The following NCOA1 variants were observed in gnomAD, a reference collection of about 807,000 sequenced individuals.
NCOA1 encodes Hin-2 protein.
In NCOA1, 35 loss-of-function variants were observed where a neutral mutation model predicts 150.9. That is an observed-to-expected ratio of 0.23 (90% CI 0.18 to 0.31). NCOA1 has a LOEUF of 0.31. Ranked by LOEUF, NCOA1 falls within the 10% of genes least tolerant of loss-of-function variation. NCOA1 has a pLI of 1.00. For missense variants in NCOA1, 1,491 were observed against 1,749.3 expected (o/e 0.85, Z 2.63); for synonymous variants, 590 against 630.0 (o/e 0.94, Z 0.95).
At position 24,576,149 on chromosome 2, in the gene NCOA1, G is replaced by GTTTTTTTTTTTTTT. The variant is rs1183405187; in HGVS notation, c.-259-8314_-259-8313insTTTTTTTTTTTTTT. 2.0e-3 allele frequency among the ~76,000 whole-genome samples: 189 copies of GTTTTTTTTTTTTTT among 93,984 alleles called. 20 individuals carry two copies. The highest frequency in any genetic ancestry group is 2.8e-3 in the Non-Finnish European group (136 of 48,848). 61.7% of individuals were successfully genotyped at this position (93,984 alleles called of 152,430 possible). A position where few individuals can be genotyped will look rare whatever the true frequency, so the allele number is the denominator to read the frequency against. ...GAGTTTCAGAAATTATTTGGCCTTT[G>GTTTTTTTTTTTTTT]TTTTTTTTTTTTTGTTTTTTGTTTT... On this transcript the variant is annotated intron_variant, in intron 2 of 22. Coordinates refer to ENST00000348332, the MANE Select transcript of NCOA1 (RefSeq NM_003743.5).
At chr2:24,530,410 T>C (rs191365806) in intron 1 of NCOA1, among the ~76,000 whole-genome samples, 7 of 152,358 alleles carry the variant, frequency 4.6e-5, no homozygotes, top group Non-Finnish European at 7.4e-5. Context: ...GAAAAACCTA[T>C]TTCTTACACA....
intron 3 of NCOA1, among the ~76,000 whole-genome samples, chr2:24,631,719 A>C (rs1046941460): frequency 6.6e-6 from 1 of 152,214 alleles, no homozygotes; most frequent in African/African-American, 2.4e-5. Context: ...TATAAAAGTC[A>C]CAATCAATGG....
At chr2:24,718,389 G>A (rs2148618967) in intron 14 of NCOA1, among the ~76,000 whole-genome samples, 1 of 152,160 alleles carries the variant, frequency 6.6e-6, no homozygotes, top group African/African-American at 2.4e-5. Context: ...TAGCAAATTT[G>A]GAACATTGTT....
chr2:24,515,754 G>A (rs544069882), intron 1 of NCOA1, among the ~76,000 whole-genome samples: 1 of 152,346 alleles, frequency 6.6e-6, no homozygotes, highest in African/African-American at 2.4e-5. Context: ...TGTAGAGCAA[G>A]TAAAGTAAGC....
chr2:24,628,301 A>AG (rs1227692837), intron 3 of NCOA1, among the ~76,000 whole-genome samples: 1 of 68,004 alleles, frequency 1.5e-5, no homozygotes, highest in Non-Finnish European at 4.5e-5. Flanking sequence ...ACTCCATCTC[A>AG]GAAAAAAAAA....
At chr2:24,711,151 G>C (rs1345309244) in intron 14 of NCOA1, 40 bp downstream of exon 14, 2 of 1,558,900 alleles carry the variant, frequency 1.3e-6, no homozygotes, top group Non-Finnish European at 1.7e-6. Context: ...AACGTTTAGT[G>C]ATAATGTGGA....
At chr2:24,507,272 T>A (rs1663738896) in intron 1 of NCOA1, among the ~76,000 whole-genome samples, 1 of 152,156 alleles carries the variant, frequency 6.6e-6, no homozygotes, top group South Asian at 2.1e-4. Flanking sequence ...ACTGCCTAGT[T>A]GTTGTGTTAC....
At position 24,769,119 on chromosome 2, in the gene NCOA1, A is replaced by G. The variant is rs1424403858; in HGVS notation, c.*728A>G. The G allele has an allele frequency of 9.6e-6, 2 of 209,324 alleles. No individual in the cohort carries two copies. The highest frequency in any genetic ancestry group is 2.3e-5 in the African/African-American group (1 of 43,986). The allele number at this position is 209,324 out of a possible 1,614,324, so 13.0% of individuals were successfully genotyped here. A position where few individuals can be genotyped will look rare whatever the true frequency, so the allele number is the denominator to read the frequency against. On this transcript the variant is annotated 3_prime_UTR_variant, in exon 23 of 23. Coordinates refer to ENST00000348332, the MANE Select transcript of NCOA1 (RefSeq NM_003743.5). ...GAAGGACAAGAAGTGAGTTGTGTCA[A>G]TTATTGTAGATACAATTTTCTGATT...
At position 24,499,132 on chromosome 2, in the gene NCOA1, C is replaced by T. The variant is rs568337192; in HGVS notation, c.-396+7530C>T. On this transcript the variant is annotated intron_variant, in intron 1 of 22. Coordinates refer to ENST00000348332, the MANE Select transcript of NCOA1 (RefSeq NM_003743.5). Reference sequence around the variant, plus strand: ...CAGTTGATCCAACATAATTTATTAACATATTCATTTTAATAATTCCCTACT... The same window carrying T: ...CAGTTGATCCAACATAATTTATTAATATATTCATTTTAATAATTCCCTACT... Among the ~76,000 whole-genome samples the T allele has an allele frequency of 8.5e-5, 13 of 152,214 alleles. No individual in the cohort carries two copies. In the South Asian group the frequency reaches 1.9e-3, roughly 22 times the overall value.
Position 24,574,129 on chromosome 2 carries a change from A to G in NCOA1, c.-260+9699A>G, listed in dbSNP as rs542938027. Among the ~76,000 whole-genome samples the G allele has an allele frequency of 5.1e-4, 77 of 152,204 alleles. 1 individual carries two copies. In the South Asian group the frequency reaches 8.5e-3, roughly 17 times the overall value. ...AATATCTGACAAATCTTACAAAGGA[A>G]AAGATGGAAAACCAAAATTAAGTTT... is the stretch of plus-strand genomic sequence containing the variant. On this transcript the variant is annotated intron_variant, in intron 2 of 22. Transcript: ENST00000348332.
chr2:24,599,573 A>G (rs929739459), intron 3 of NCOA1, among the ~76,000 whole-genome samples: 7 of 152,156 alleles, frequency 4.6e-5, no homozygotes, highest in African/African-American at 1.7e-4. Context: ...CTTTATTTAC[A>G]CAGTGGGACA....
Position 24,726,717 on chromosome 2 carries a change from C to T in NCOA1, c.2717+11C>T, listed in dbSNP as rs1287847854. On this transcript the variant is annotated intron_variant, in intron 15 of 22. Transcript: ENST00000348332. ...GAGTAAATCAGAAGAGTAAGTAATA[C>T]ATTTTGTATTTTATAAGGTATCAGA... 2.6e-6 allele frequency: 4 copies of T among 1,542,446 alleles called. No individual in the cohort carries two copies. Among genetic ancestry groups the T allele is most frequent in the Admixed American group, 3.7e-5 (2 of 54,386 alleles).
At chr2:24,589,796 G>T (rs945125226) in intron 3 of NCOA1, among the ~76,000 whole-genome samples, 26 of 152,192 alleles carry the variant, frequency 1.7e-4, no homozygotes, top group African/African-American at 6.3e-4. Flanking sequence ...TACTCCATCA[G>T]ACATTCTTTT....
At chr2:24,574,723 A>G (rs1291959073) in intron 2 of NCOA1, among the ~76,000 whole-genome samples, 2 of 152,102 alleles carry the variant, frequency 1.3e-5, no homozygotes, top group Non-Finnish European at 1.5e-5. Context: ...GTTGTCTGAA[A>G]ACATTTCCAC....
At chr2:24,584,205 T>C (rs918082955) in intron 2 of NCOA1, among the ~76,000 whole-genome samples, 1 of 152,064 alleles carries the variant, frequency 6.6e-6, no homozygotes, top group Non-Finnish European at 1.5e-5. Flanking sequence ...ATTTTTCAAA[T>C]GATAAAAAAG....
At chr2:24,621,432 ATTTTTTTTTTTTTTTTT>A (rs1162282258) in intron 3 of NCOA1, among the ~76,000 whole-genome samples, 15 of 38,896 alleles carry the variant, frequency 3.9e-4, no homozygotes, top group Non-Finnish European at 6.0e-4. Flanking sequence ...ATTCAGGCAG[ATTTTTTTTTTTTTTTTT>A]TTTTTTTTTT....
intron 15 of NCOA1, among the ~76,000 whole-genome samples, 159 bp downstream of exon 15, chr2:24,726,865 A>G (rs2148636068): frequency 6.6e-6 from 1 of 151,020 alleles, no homozygotes; most frequent in Non-Finnish European, 1.5e-5. Context: ...GGCCCGGTGC[A>G]GTGGCTCTGG....
chr2:24,672,698 G>A (rs549948228), intron 6 of NCOA1, among the ~76,000 whole-genome samples: 3 of 152,210 alleles, frequency 2.0e-5, no homozygotes, highest in African/African-American at 4.8e-5. Flanking sequence ...CACCCAACCC[G>A]GAAATACTTC....
chr2:24,707,940 CATTT>C (rs1355321455), intron 13 of NCOA1, 52 bp downstream of exon 13: 2 of 1,519,056 alleles, frequency 1.3e-6, no homozygotes, highest in Admixed American at 2.3e-5. Flanking sequence ...TTTTTTTTTT[CATTT>C]ATTCTATTCC....
Sources: gnomAD v4.1 joint callset for allele counts (sites outside exome capture counted in the v4.1 genomes callset) on GRCh38, gnomAD v4.1.1 for gene constraint, MANE v1.5 for transcripts, NCBI Gene and HGNC (gene_info 2026-07-23, HGNC 2026-07-21) for gene names.